Variants in RBFOX1 observed in about 807,000 individuals in gnomAD.
RBFOX1 encodes the protein RNA binding fox-1 homolog 1.
In RBFOX1, 8 loss-of-function variants were observed where a neutral mutation model predicts 57.7. The ratio of observed to expected loss-of-function variants is 0.14; its 90% CI spans 0.08 to 0.25. The LOEUF is 0.25. Ranked by LOEUF, RBFOX1 falls within the 10% of genes least tolerant of loss-of-function variation. The pLI is 1.00. For missense variants in RBFOX1, 611 were observed against 548.5 expected, an observed-to-expected ratio of 1.11 and a Z score of -1.14; for synonymous variants, 326 against 222.4, an observed-to-expected ratio of 1.47 and a Z score of -4.15.
chr16:7,681,309 G>A (rs1287218003), intron 14 of RBFOX1, among the ~76,000 whole-genome samples: 1 of 152,112 alleles, frequency 6.6e-6, no homozygotes, highest in African/African-American at 2.4e-5. Context: ...AAGCAAGGAA[G>A]GGACCATCTT....
intron 2 of RBFOX1, among the ~76,000 whole-genome samples, chr16:5,595,058 A>G (rs1314999549): frequency 6.6e-6 from 1 of 151,334 alleles, no homozygotes; most frequent in Non-Finnish European, 1.5e-5. Flanking sequence ...AGGCAGGAGA[A>G]TTGTTTGAAC....
intron 4 of RBFOX1, among the ~76,000 whole-genome samples, chr16:7,397,628 C>G (rs1034104569): frequency 6.6e-6 from 1 of 152,108 alleles, no homozygotes; most frequent in Non-Finnish European, 1.5e-5. Flanking sequence ...ACATCACAAG[C>G]GTTGGGACTC....
At chr16:7,541,954 G>T (rs1191246813) in intron 5 of RBFOX1, among the ~76,000 whole-genome samples, 1 of 152,222 alleles carries the variant, frequency 6.6e-6, no homozygotes, top group African/African-American at 2.4e-5. Flanking sequence ...GATTTCTAAG[G>T]TGCAGTGCTT....
chr16:7,247,950 T>C (rs1440348037), intron 4 of RBFOX1, among the ~76,000 whole-genome samples: 1 of 152,148 alleles, frequency 6.6e-6, no homozygotes, highest in Non-Finnish European at 1.5e-5. Context: ...CTAGGCTTAA[T>C]ACCTGGGTGA....
intron 4 of RBFOX1, among the ~76,000 whole-genome samples, chr16:5,904,774 A>G (rs185151151): frequency 0.011 from 1,715 of 151,160 alleles, 9 homozygotes; most frequent in Middle Eastern, 0.034. Context: ...TCAGGAGATC[A>G]AGACCATCCT....
chr16:7,083,062 C>G (rs979552192), intron 4 of RBFOX1, among the ~76,000 whole-genome samples: 2 of 152,028 alleles, frequency 1.3e-5, no homozygotes, highest in African/African-American at 4.8e-5. Context: ...TTGGGAGTGA[C>G]AATAAATAGA....
At chr16:5,991,147 T>A (rs1366952870) in intron 4 of RBFOX1, among the ~76,000 whole-genome samples, 1 of 151,970 alleles carries the variant, frequency 6.6e-6, no homozygotes, top group African/African-American at 2.4e-5. Flanking sequence ...ATTTGGGGGG[T>A]GACTGTAGGG....
At chr16:7,417,495 G>T (rs556577345) in intron 4 of RBFOX1, among the ~76,000 whole-genome samples, 6 of 150,462 alleles carry the variant, frequency 4.0e-5, no homozygotes, top group African/African-American at 1.5e-4. Flanking sequence ...CAATGCATCC[G>T]CCTTATTCGG....
intron 3 of RBFOX1, among the ~76,000 whole-genome samples, chr16:7,031,767 C>G (rs1285900217): frequency 6.6e-6 from 1 of 152,084 alleles, no homozygotes; most frequent in Non-Finnish European, 1.5e-5. Context: ...CCGTGTTTTA[C>G]CCACTGCAGA....
intron 3 of RBFOX1, among the ~76,000 whole-genome samples, chr16:5,735,512 G>A (rs148825490): frequency 2.0e-4 from 31 of 152,276 alleles, no homozygotes; most frequent in African/African-American, 5.8e-4. Context: ...TCCCGCTTCC[G>A]CATCTTGACC....
At chr16:5,530,107 T>A (rs1401563397) in intron 2 of RBFOX1, among the ~76,000 whole-genome samples, 1 of 152,140 alleles carries the variant, frequency 6.6e-6, no homozygotes, top group Non-Finnish European at 1.5e-5. Context: ...ACTCAGGCTA[T>A]GGCACTTTGC....
intron 5 of RBFOX1, among the ~76,000 whole-genome samples, chr16:7,565,961 G>A (rs146981903): frequency 1.6e-4 from 24 of 152,162 alleles, no homozygotes; most frequent in Admixed American, 6.5e-4. Flanking sequence ...GCAGCAGCTG[G>A]GCCCAAATCA....
intron 4 of RBFOX1, among the ~76,000 whole-genome samples, chr16:7,292,880 G>C (rs766528938): frequency 3.3e-5 from 5 of 152,130 alleles, no homozygotes; most frequent in Non-Finnish European, 4.4e-5. Flanking sequence ...CTGGATAAGA[G>C]ATGATCCCCT....
At chr16:5,801,455 G>A (rs2055053711) in intron 3 of RBFOX1, among the ~76,000 whole-genome samples, 2 of 151,700 alleles carry the variant, frequency 1.3e-5, no homozygotes, top group South Asian at 4.2e-4. Context: ...CAGTGTGCGA[G>A]TTAATTTTTG....
At chr16:7,597,292 A>G (rs2094754085) in intron 8 of RBFOX1, 79 bp from the exon 9 acceptor site, 2 of 1,022,408 alleles carry the variant, frequency 2.0e-6, no homozygotes, top group East Asian at 2.6e-5. Flanking sequence ...ATAAGTAATC[A>G]CGGTCATAAT....
intron 3 of RBFOX1, among the ~76,000 whole-genome samples, chr16:5,802,412 G>C (rs1597314613): frequency 6.6e-6 from 1 of 152,072 alleles, no homozygotes; most frequent in East Asian, 1.9e-4. Context: ...AACAAGGGTG[G>C]GATAGCTGCT....
chr16:7,045,772 C>T (rs568716863), intron 3 of RBFOX1, among the ~76,000 whole-genome samples: 3 of 152,192 alleles, frequency 2.0e-5, no homozygotes, highest in African/African-American at 7.2e-5. Flanking sequence ...TCTCTTGCCT[C>T]AGCCTCCTGA....
At chr16:5,794,177 T>C (rs2054797987) in intron 3 of RBFOX1, among the ~76,000 whole-genome samples, 1 of 152,202 alleles carries the variant, frequency 6.6e-6, no homozygotes, top group Non-Finnish European at 1.5e-5. Context: ...TAACAATCTC[T>C]AAGTCATGGG....
At chr16:5,703,822 C>T (rs767355392) in intron 3 of RBFOX1, among the ~76,000 whole-genome samples, 2 of 152,012 alleles carry the variant, frequency 1.3e-5, no homozygotes, top group African/African-American at 4.8e-5. Flanking sequence ...ATATGCAACC[C>T]ATGATGTAGG....
Sources: gnomAD v4.1 joint callset for allele counts (sites outside exome capture counted in the v4.1 genomes callset) on GRCh38, gnomAD v4.1.1 for gene constraint, MANE v1.5 for transcripts, NCBI Gene and HGNC (gene_info 2026-07-23, HGNC 2026-07-21) for gene names.